Variants in TYW1 observed in about 807,000 individuals in gnomAD.
TYW1 encodes tRNA-yW synthesizing protein 1 homolog.
A neutral mutation model predicts 96.2 loss-of-function variants in TYW1; 46 were observed. The observed-to-expected ratio is 0.48, with a 90% CI of 0.38 to 0.61. TYW1 has a LOEUF of 0.61. Among genes scored for constraint, TYW1 ranks in the 20% least tolerant of loss-of-function variants. The pLI, the probability that TYW1 is intolerant of heterozygous loss-of-function variation, is 0.00. For missense variants in TYW1, 684 were observed against 909.6 expected, an observed-to-expected ratio of 0.75 and a Z score of 3.19; for synonymous variants, 274 against 323.0, an observed-to-expected ratio of 0.85 and a Z score of 1.63.
At chr7:67,177,079 G>C (rs1461490458) in intron 13 of TYW1, among the ~76,000 whole-genome samples, 1 of 152,214 alleles carries the variant, frequency 6.6e-6, no homozygotes, top group Non-Finnish European at 1.5e-5. Flanking sequence ...GAAACAATTA[G>C]ATCAGTGGAA....
intron 7 of TYW1, among the ~76,000 whole-genome samples, chr7:67,047,203 GA>G (rs1311169219): frequency 6.6e-6 from 1 of 152,170 alleles, no homozygotes; most frequent in African/African-American, 2.4e-5. Flanking sequence ...TCAAGGTTGA[GA>G]TTTTTTCATT....
intron 13 of TYW1, among the ~76,000 whole-genome samples, chr7:67,176,703 T>C (rs1027233090): frequency 1.3e-5 from 2 of 152,224 alleles, no homozygotes; most frequent in African/African-American, 4.8e-5. Context: ...GATTCTAAAA[T>C]GTACATGGAT....
chr7:67,053,103 C>G (rs200574823), intron 8 of TYW1, among the ~76,000 whole-genome samples: 25 of 119,202 alleles, frequency 2.1e-4, no homozygotes, highest in Non-Finnish European at 4.1e-4. Flanking sequence ...TTTTTTTTTC[C>G]TGGGACAAGG....
intron 15 of TYW1, among the ~76,000 whole-genome samples, chr7:67,236,214 G>A (rs1243957733): frequency 2.0e-5 from 3 of 152,132 alleles, no homozygotes; most frequent in South Asian, 2.1e-4. Context: ...TGGGCGTCAC[G>A]TGAGAGGACC....
intron 11 of TYW1, among the ~76,000 whole-genome samples, chr7:67,087,985 T>C (rs1796602089): frequency 6.6e-6 from 1 of 152,096 alleles, no homozygotes; most frequent in Non-Finnish European, 1.5e-5. Flanking sequence ...CACCTCAGCC[T>C]CCCAAGTAGC....
intron 11 of TYW1, among the ~76,000 whole-genome samples, chr7:67,096,125 C>G (rs2115847274): frequency 6.6e-6 from 1 of 152,266 alleles, no homozygotes; most frequent in South Asian, 2.1e-4. Context: ...CATGGTGGCT[C>G]ACGCCTGTAA....
rs750975105 is a variant in TYW1, at chr7:66,998,866, T to C, written c.185T>C (p.Met62Thr). Residue 62 changes from methionine to threonine, a missense_variant, in exon 3 of 16, where the codon ATG becomes ACG. By Grantham distance (81) the Met-to-Thr change is moderately conservative (BLOSUM62 -1). Coordinates refer to ENST00000359626, the MANE Select transcript of TYW1 (RefSeq NM_018264.4). The stretch of plus-strand genomic sequence containing the variant: ...GTTCCAAAAGCAGCTCAGGATTTGA[T>C]GACAAATGGTTATGTCTCCCTTCAA... Reference protein sequence around the residue: ...KSVPKAAQDLMTNGYVSLQEK... With the variant: ...KSVPKAAQDLTTNGYVSLQEK... 3.1e-6 allele frequency: 5 copies of C among 1,614,190 alleles called. No homozygotes were observed. The highest frequency in any genetic ancestry group is 4.2e-6 in the Non-Finnish European group (5 of 1,180,028).
chr7:67,146,088 T>C (rs1798602872), intron 13 of TYW1, among the ~76,000 whole-genome samples: 1 of 152,164 alleles, frequency 6.6e-6, no homozygotes, highest in Admixed American at 6.5e-5. Context: ...TTATTATTTT[T>C]ATGGTACTTA....
At chr7:67,011,413 C>T (rs935392906) in intron 4 of TYW1, among the ~76,000 whole-genome samples, 1 of 152,218 alleles carries the variant, frequency 6.6e-6, no homozygotes, top group Admixed American at 6.5e-5. Flanking sequence ...CAGTCATGCC[C>T]AGTTAGGGGA....
At chr7:67,026,838 T>G (rs1416864502) in intron 7 of TYW1, among the ~76,000 whole-genome samples, 1 of 151,954 alleles carries the variant, frequency 6.6e-6, no homozygotes, top group African/African-American at 2.4e-5. Flanking sequence ...TCTAAGAATA[T>G]GTAGGAATTT....
chr7:67,022,064 T>A (rs62466612), intron 6 of TYW1, among the ~76,000 whole-genome samples: 6,089 of 152,250 alleles, frequency 0.04, 183 homozygotes, highest in Middle Eastern at 0.11. Flanking sequence ...GCATGCACCA[T>A]CATGCCCAGC....
chr7:66,996,891 G>T lies in TYW1; in HGVS notation c.-88G>T. On this transcript the variant is annotated 5_prime_UTR_variant, in exon 1 of 16. Coordinates refer to ENST00000359626, the MANE Select transcript of TYW1 (RefSeq NM_018264.4). ...GCACTCGGTACGCCGCTAACGCGGC[G>T]AGGTAGCTCGGTGCGTCTCGCGGTA... The T allele has an allele frequency of 6.2e-7, 1 of 1,604,136 alleles. No homozygotes were observed. The highest frequency in any genetic ancestry group is 8.5e-7 in the Non-Finnish European group (1 of 1,175,562).
chr7:67,029,412 T>TATATATACATATATATATATAC (rs1562973590), intron 7 of TYW1, among the ~76,000 whole-genome samples: 1 of 139,300 alleles, frequency 7.2e-6, no homozygotes, highest in Non-Finnish European at 1.5e-5. Context: ...TGTGTGTGTG[T>TATATATACATATATATATATAC]GTGTATATAT....
At chr7:67,085,432 G>A (rs1796517688) in intron 11 of TYW1, among the ~76,000 whole-genome samples, 1 of 152,130 alleles carries the variant, frequency 6.6e-6, no homozygotes, top group Non-Finnish European at 1.5e-5. Context: ...CCTTCCTGCT[G>A]CCTTGTGAAG....
At chr7:67,067,163 A>G in intron 9 of TYW1, 122 bp from the exon 10 acceptor site, 1 of 1,134,816 alleles carries the variant, frequency 8.8e-7, no homozygotes, top group Non-Finnish European at 1.3e-6. Context: ...TGCGTCATGC[A>G]GTTACCAGTA....
chr7:67,228,209 A>C (rs1302516918), intron 15 of TYW1, among the ~76,000 whole-genome samples: 8 of 152,338 alleles, frequency 5.3e-5, no homozygotes, highest in African/African-American at 1.9e-4. Context: ...TGGGTAATTT[A>C]TAAGAAAAAA....
At chr7:67,208,779 C>T (rs1270650896) in intron 15 of TYW1, among the ~76,000 whole-genome samples, 2 of 151,850 alleles carry the variant, frequency 1.3e-5, no homozygotes, top group Non-Finnish European at 2.9e-5. Flanking sequence ...AAAGATCCCG[C>T]ATTAAATTTG....
chr7:67,106,699 T>C (rs895074178), intron 12 of TYW1, among the ~76,000 whole-genome samples: 6 of 152,252 alleles, frequency 3.9e-5, no homozygotes, highest in African/African-American at 1.4e-4. Flanking sequence ...TATTTTCATA[T>C]TTAGTCCACG....
At chr7:67,226,287 T>C (rs952990657) in intron 15 of TYW1, among the ~76,000 whole-genome samples, 4 of 152,196 alleles carry the variant, frequency 2.6e-5, no homozygotes, top group Non-Finnish European at 5.9e-5. Flanking sequence ...ATGGCCTTTG[T>C]AGGACTAAGA....
Sources: gnomAD v4.1 joint callset for allele counts (sites outside exome capture counted in the v4.1 genomes callset) on GRCh38, gnomAD v4.1.1 for gene constraint, MANE v1.5 for transcripts, NCBI Gene and HGNC (gene_info 2026-07-23, HGNC 2026-07-21) for gene names.